STAM: variants seen among roughly 807,000 people sequenced by gnomAD.
The protein encoded by STAM is signal transducing adapter molecule 1.
STAM carries 16 observed loss-of-function variants against 63.4 expected under a neutral mutation model. The observed-to-expected ratio is 0.25, with a 90% CI of 0.17 to 0.38. The LOEUF is 0.38. Ranked by LOEUF, STAM falls within the 10% of genes least tolerant of loss-of-function variation. STAM has a pLI of 1.00. For synonymous variants in STAM, 238 were observed against 223.9 expected (o/e 1.06, Z -0.56); for missense variants, 636 against 657.1 (o/e 0.97, Z 0.35).
rs2131544302 is a variant in STAM at position 17,644,160 on chromosome 10, T to TGCC, written c.-171_-169dup. The TGCC allele has an allele frequency of 3.1e-6, 2 of 652,290 alleles. No homozygotes were observed. Among genetic ancestry groups the TGCC allele is most frequent in the Admixed American group, 2.5e-5 (1 of 39,530 alleles). 40.4% of individuals were successfully genotyped at this position (652,290 alleles called of 1,614,324 possible). ...GGGGGCTTCCTCGGCTCCTTGCTGT[T>TGCC]GCCGCCGCCGCAGCTGCTGCCGCGG... On this transcript the variant is annotated 5_prime_UTR_variant, in exon 1 of 14. Coordinates refer to ENST00000377524, the MANE Select transcript of STAM (RefSeq NM_003473.4).
intron 1 of STAM, 113 bp downstream of exon 1, chr10:17,644,492 C>G (rs980985466): frequency 1.5e-6 from 2 of 1,321,740 alleles, no homozygotes; most frequent in Non-Finnish European, 2.1e-6. Context: ...GCTCGCTCTT[C>G]CCCTTTCCTG....
Position 17,644,355 on chromosome 10 carries a change from A to G in STAM, c.16A>G (p.Thr6Ala). The change falls in exon 1 of 14, where the codon ACC becomes GCC. Residue 6 changes from threonine to alanine, a missense_variant. By Grantham distance (58) the Thr-to-Ala change is moderately conservative. This residue lies in a region of STAM where 87 missense variants were observed against 80.3 expected (regional missense o/e 1.08). Coordinates refer to ENST00000377524, the MANE Select transcript of STAM (RefSeq NM_003473.4). MPLFA[T>A]NPFDQDVEKA... ...CGCAGCGGAGATGCCTCTTTTTGCC[A>G]CCAATCCCTTCGATCAGGATGTTGG... 1 of 1,614,074 alleles carries G rather than the reference A, an allele frequency of 6.2e-7. No homozygotes were observed. Among genetic ancestry groups the G allele is most frequent in the South Asian group, 1.1e-5 (1 of 91,078 alleles).
chr10:17,665,161 T>G (rs1365874584), intron 2 of STAM, among the ~76,000 whole-genome samples: 1 of 152,082 alleles, frequency 6.6e-6, no homozygotes, highest in Non-Finnish European at 1.5e-5. Context: ...CTCAGTGGTG[T>G]TGTGAAAAAT....
chr10:17,690,419 C>G (rs1835481342), intron 5 of STAM, among the ~76,000 whole-genome samples: 1 of 152,108 alleles, frequency 6.6e-6, no homozygotes, highest in South Asian at 2.1e-4. Context: ...AAGTATGTAA[C>G]AGCTAATCTT....
chr10:17,671,185 A>C (rs1167562057), intron 2 of STAM, among the ~76,000 whole-genome samples: 4 of 152,218 alleles, frequency 2.6e-5, no homozygotes, highest in Non-Finnish European at 4.4e-5. Context: ...ATGCATGCAC[A>C]TACTCCTCCT....
At chr10:17,684,966 T>A (rs1835235466) in intron 4 of STAM, 39 bp downstream of exon 4, 1 of 1,507,678 alleles carries the variant, frequency 6.6e-7, no homozygotes, top group African/African-American at 1.4e-5. Flanking sequence ...TAAGGCAGTC[T>A]TCTTTCTTCA....
chr10:17,688,709 C>T (rs533917676), intron 5 of STAM, among the ~76,000 whole-genome samples: 115 of 152,004 alleles, frequency 7.6e-4, no homozygotes, highest in African/African-American at 2.6e-3. Flanking sequence ...GTGTTCTGCC[C>T]GCCTCGGCCT....
intron 12 of STAM, among the ~76,000 whole-genome samples, chr10:17,707,247 A>T (rs1436822878): frequency 6.6e-6 from 1 of 152,050 alleles, no homozygotes; most frequent in African/African-American, 2.4e-5. Flanking sequence ...GTCTCTGCTC[A>T]AAATACAAAA....
rs1835539538 is a variant in STAM, at chr10:17,691,585, G to A, written c.445-1637G>A. 2.6e-5 allele frequency among the ~76,000 whole-genome samples: 4 copies of A among 152,156 alleles called. No homozygotes were observed. The South Asian group carries it at 8.3e-4, about 32-fold the overall frequency. On this transcript the variant is annotated intron_variant, in intron 5 of 13. Transcript: ENST00000377524. ...GAAATCCAGTTAAGTGAGGAATGTA[G>A]AACTGTATTTTATTATAATGTTGAA... is the stretch of plus-strand genomic sequence containing the variant.
chr10:17,673,670 A>T (rs1834730883), intron 2 of STAM, among the ~76,000 whole-genome samples: 1 of 152,092 alleles, frequency 6.6e-6, no homozygotes, highest in South Asian at 2.1e-4. Context: ...AAGGAGAAAA[A>T]CCCCGCAAAC....
At chr10:17,710,785 T>C (rs1325391256) in intron 13 of STAM, among the ~76,000 whole-genome samples, 1 of 152,224 alleles carries the variant, frequency 6.6e-6, no homozygotes, top group Non-Finnish European at 1.5e-5. Context: ...TGAATACATG[T>C]TTTAGTGTTA....
At chr10:17,696,916 T>C in intron 8 of STAM, 47 bp downstream of exon 8, 1 of 1,488,962 alleles carries the variant, frequency 6.7e-7, no homozygotes, top group East Asian at 2.3e-5. Context: ...CTAATCCTTT[T>C]CTTAATGGAA....
intron 9 of STAM, among the ~76,000 whole-genome samples, chr10:17,704,135 C>T (rs552804908): frequency 1.3e-4 from 20 of 152,230 alleles, no homozygotes; most frequent in Non-Finnish European, 2.5e-4. Flanking sequence ...CACTGTTGTC[C>T]AGACTGAAGT....
At chr10:17,708,738 T>G (rs1554829654) in intron 12 of STAM, 38 bp from the exon 13 acceptor site, 1 of 1,545,482 alleles carries the variant, frequency 6.5e-7, no homozygotes, top group Non-Finnish European at 8.8e-7. Flanking sequence ...CTTATTAAAA[T>G]TTTAGAATTG....
chr10:17,693,974 T>G (rs1023452963), intron 6 of STAM, among the ~76,000 whole-genome samples: 9 of 152,182 alleles, frequency 5.9e-5, no homozygotes, highest in African/African-American at 2.2e-4. Flanking sequence ...AGTTTAACTT[T>G]CATGAATCTG....
chr10:17,668,628 C>T (rs1406755435), intron 2 of STAM, among the ~76,000 whole-genome samples: 1 of 152,148 alleles, frequency 6.6e-6, no homozygotes, highest in African/African-American at 2.4e-5. Flanking sequence ...TCCTTTCCTT[C>T]CTCTCTTTGC....
At position 17,693,285 on chromosome 10, in the gene STAM, A is replaced by G; in HGVS notation, c.508A>G (p.Lys170Glu). 10 of 1,611,886 alleles carry G rather than the reference A, an allele frequency of 6.2e-6. No homozygotes were observed. Among genetic ancestry groups the G allele is most frequent in the Non-Finnish European group, 8.5e-6 (10 of 1,179,518 alleles). The change falls in exon 6 of 14, where the codon AAA (lysine) becomes GAA (glutamate). Residue 170 changes from lysine (K) to glutamate (E), a missense_variant. Lys to Glu is a moderately conservative substitution (Grantham distance 56, BLOSUM62 1). This residue lies in a region of STAM where 532 missense variants were observed against 536.9 expected (regional missense o/e 0.99). Coordinates refer to ENST00000377524, the MANE Select transcript of STAM (RefSeq NM_003473.4). ...CAAGGATCCTGGTACTGTGGCTAAC[A>G]AAAAAGAAGAAGAAGATTTAGCAAA... The part of the protein sequence containing the change: ...VAKDPGTVAN[K>E]KEEEDLAKAI...
intron 12 of STAM, among the ~76,000 whole-genome samples, chr10:17,707,272 T>C (rs1263910442): frequency 6.6e-6 from 1 of 151,952 alleles, no homozygotes; most frequent in Non-Finnish European, 1.5e-5. Context: ...TAGCCTGGCG[T>C]GGTGGTGGGT....
chr10:17,697,775 A>G (rs1835824826), intron 8 of STAM, among the ~76,000 whole-genome samples: 1 of 152,160 alleles, frequency 6.6e-6, no homozygotes, highest in African/African-American at 2.4e-5. Context: ...TTTGTAATAA[A>G]ATATTTAAAA....
Sources: gnomAD v4.1 joint callset for allele counts (sites outside exome capture counted in the v4.1 genomes callset) on GRCh38, gnomAD v4.1.1 for gene constraint, gnomAD v4.1.1 regional missense constraint, MANE v1.5 for transcripts, NCBI Gene and HGNC (gene_info 2026-07-23, HGNC 2026-07-21) for gene names.